The following DCC variants were observed in gnomAD, a reference collection of about 807,000 sequenced individuals.
DCC encodes DCC netrin 1 receptor.
Under a neutral mutation model 172.5 loss-of-function variants are expected in DCC, and 58 were observed. The observed-to-expected ratio is 0.34, with a 90% CI of 0.27 to 0.42. DCC has a LOEUF of 0.42. Among genes scored for constraint, DCC ranks in the 10% least tolerant of loss-of-function variants. The pLI, the probability that DCC is intolerant of heterozygous loss-of-function variation, is 1.00. For missense variants in DCC, 1,740 were observed against 1,791.0 expected (o/e 0.97, Z 0.51); for synonymous variants, 709 against 644.5 (o/e 1.10, Z -1.52).
rs554820899 is a variant in DCC at position 53,397,703 on chromosome 18, G to A, written c.2827+257G>A. On this transcript the variant is annotated intron_variant, in intron 18 of 28. Transcript: ENST00000442544. ...TTCAGGGTGTTAACTCAGGGGATCT[G>A]ACTATAAATCTTCTTTTCACTACAT... 2.6e-5 allele frequency among the ~76,000 whole-genome samples: 4 copies of A among 152,248 alleles called. No individual in the cohort carries two copies. In the East Asian group the frequency reaches 7.7e-4, roughly 29 times the overall value.
chr18:52,877,752 A>G (rs2039424786), intron 2 of DCC, among the ~76,000 whole-genome samples: 1 of 151,964 alleles, frequency 6.6e-6, no homozygotes, highest in African/African-American at 2.4e-5. Flanking sequence ...TCTTTGTCAA[A>G]TATGATAGGA....
intron 1 of DCC, among the ~76,000 whole-genome samples, chr18:52,668,493 T>C (rs2035495301): frequency 6.6e-6 from 1 of 152,186 alleles, no homozygotes; most frequent in African/African-American, 2.4e-5. Context: ...AGATGATCTC[T>C]CATCTTGAAA....
chr18:52,728,971 G>T (rs2036594920), intron 1 of DCC, among the ~76,000 whole-genome samples: 1 of 152,180 alleles, frequency 6.6e-6, no homozygotes, highest in Non-Finnish European at 1.5e-5. Flanking sequence ...AAATCAAAAA[G>T]CATGTACCTC....
chr18:53,419,656 C>T (rs1339851484), intron 21 of DCC, among the ~76,000 whole-genome samples: 2 of 151,946 alleles, frequency 1.3e-5, no homozygotes, highest in African/African-American at 2.4e-5. Flanking sequence ...GTTTTAAAAG[C>T]TTTACAGGAG....
At chr18:52,776,150 A>G (rs1327020902) in intron 2 of DCC, among the ~76,000 whole-genome samples, 1 of 152,220 alleles carries the variant, frequency 6.6e-6, no homozygotes, top group African/African-American at 2.4e-5. Context: ...ACAACAGAGA[A>G]AGGCAAAAGT....
intron 5 of DCC, among the ~76,000 whole-genome samples, chr18:52,966,246 A>T (rs996843961): frequency 6.6e-6 from 1 of 152,134 alleles, no homozygotes; most frequent in East Asian, 1.9e-4. Flanking sequence ...TTGCTTATAA[A>T]CTCTGCTAAC....
chr18:52,929,162 A>G (rs962446918), intron 5 of DCC, among the ~76,000 whole-genome samples: 2 of 152,060 alleles, frequency 1.3e-5, no homozygotes, highest in African/African-American at 4.8e-5. Flanking sequence ...TTCAACATCC[A>G]CACCCCAACC....
intron 2 of DCC, among the ~76,000 whole-genome samples, chr18:52,899,098 C>CTCTTT (rs1284760488): frequency 6.6e-6 from 1 of 152,160 alleles, no homozygotes; most frequent in East Asian, 1.9e-4. Flanking sequence ...TTAGTCTCAG[C>CTCTTT]TCTTTTCTGC....
At chr18:52,607,747 T>C (rs1211514678) in intron 1 of DCC, among the ~76,000 whole-genome samples, 6 of 152,192 alleles carry the variant, frequency 3.9e-5, no homozygotes, top group Non-Finnish European at 4.4e-5. Context: ...AGGTAGAGTT[T>C]ATATTCTATG....
At chr18:52,931,853 C>CT (rs1299850264) in intron 5 of DCC, 1 of 152,052 alleles carries the variant, frequency 6.6e-6, no homozygotes, top group Non-Finnish European at 1.5e-5. Context: ...TCTGGGAAGA[C>CT]TACAGAAACA....
intron 7 of DCC, among the ~76,000 whole-genome samples, chr18:53,106,080 C>T (rs2043242127): frequency 6.6e-6 from 1 of 151,588 alleles, no homozygotes; most frequent in African/African-American, 2.4e-5. Flanking sequence ...TATATCAGAG[C>T]CCCCCAGTTA....
At position 52,375,955 on chromosome 18, in the gene DCC, G is replaced by A. The variant is rs528991408; in HGVS notation, c.91+35077G>A. ...GTAGTCTGTAGAATTTTAGAGAGAA[G>A]TCAAGGTTTCCTAGCCCTTTAGAAG... is the stretch of plus-strand genomic sequence containing the variant. On this transcript the variant is annotated intron_variant, in intron 1 of 28. Transcript: ENST00000442544. Among the ~76,000 whole-genome samples the A allele has an allele frequency of 9.2e-5, 14 of 152,240 alleles. No homozygotes were observed. The South Asian group carries it at 1.7e-3, about 18-fold the overall frequency.
chr18:53,106,197 C>T (rs187195873), intron 7 of DCC, among the ~76,000 whole-genome samples: 3 of 151,926 alleles, frequency 2.0e-5, no homozygotes, highest in East Asian at 2.0e-4. Context: ...TCAAAGGAGG[C>T]GTCTTATTTC....
At chr18:53,008,912 A>C (rs1034642118) in intron 5 of DCC, among the ~76,000 whole-genome samples, 2 of 152,002 alleles carry the variant, frequency 1.3e-5, no homozygotes, top group African/African-American at 4.8e-5. Context: ...TGTATATTAA[A>C]ACTCACAACC....
chr18:52,709,790 T>C (rs1248811989), intron 1 of DCC, among the ~76,000 whole-genome samples: 1 of 152,238 alleles, frequency 6.6e-6, no homozygotes, highest in Non-Finnish European at 1.5e-5. Flanking sequence ...GGAAATTATA[T>C]GAATTTGACT....
At chr18:52,666,936 A>G (rs1193223477) in intron 1 of DCC, among the ~76,000 whole-genome samples, 3 of 152,204 alleles carry the variant, frequency 2.0e-5, no homozygotes, top group African/African-American at 7.2e-5. Flanking sequence ...ATAATTGTAT[A>G]TACATCTGTA....
intron 23 of DCC, among the ~76,000 whole-genome samples, chr18:53,453,766 C>T (rs534922146): frequency 2.0e-5 from 3 of 152,206 alleles, no homozygotes; most frequent in South Asian, 2.1e-4. Flanking sequence ...ACTTGGGTGG[C>T]AGTTTCTTTA....
intron 7 of DCC, among the ~76,000 whole-genome samples, chr18:53,067,008 C>A (rs1162631612): frequency 6.6e-6 from 1 of 152,080 alleles, no homozygotes; most frequent in Non-Finnish European, 1.5e-5. Flanking sequence ...ATCAGGAGAA[C>A]ACTACCAGCA....
chr18:52,451,634 T>A (rs1988307880), intron 1 of DCC, among the ~76,000 whole-genome samples: 1 of 152,078 alleles, frequency 6.6e-6, no homozygotes, highest in African/African-American at 2.4e-5. Context: ...TGGTTGCAAG[T>A]AATAGGAGGA....
Sources: gnomAD v4.1 joint callset for allele counts (sites outside exome capture counted in the v4.1 genomes callset) on GRCh38, gnomAD v4.1.1 for gene constraint, MANE v1.5 for transcripts, NCBI Gene and HGNC (gene_info 2026-07-23, HGNC 2026-07-21) for gene names.